Variants in EFCC1 observed in about 807,000 individuals in gnomAD.
The protein encoded by EFCC1 is EF-hand and coiled-coil domain-containing protein 1.
EFCC1 carries 50 observed loss-of-function variants against 52.1 expected under a neutral mutation model. The observed-to-expected ratio is 0.96, with a 90% confidence interval of 0.76 to 1.21. The LOEUF (loss-of-function observed/expected upper bound fraction) is 1.21, where lower values mean the gene tolerates loss of function less well. Ranked by LOEUF, EFCC1 falls within the 50% of genes most tolerant of loss-of-function variation. The pLI is 0.00. For missense variants in EFCC1, 837 were observed against 867.3 expected (o/e 0.97, Z 0.44); for synonymous variants, 399 against 396.5 (o/e 1.01, Z -0.08).
intron 2 of EFCC1, among the ~76,000 whole-genome samples, chr3:129,011,960 G>A (rs1274380660): frequency 1.3e-5 from 2 of 152,224 alleles, no homozygotes; most frequent in Non-Finnish European, 2.9e-5. Context: ...TAAATCAGGG[G>A]CACAGCCAGG....
At position 129,034,316 on chromosome 3, in the gene EFCC1, C is replaced by CAGCA. The variant is rs762622256; in HGVS notation, c.1439_1440insAGCA (p.Ser481AlafsTer3). ...GGCTGCGGTGGGAGGACCCTGGGGA[C>CAGCA]CTCTGAGGAGGAGGTCAGCAGAGCC... On this transcript the variant is annotated frameshift_variant, in exon 5 of 8. Transcript: ENST00000683648. LOFTEE classifies it high-confidence loss of function. 3 of 1,613,840 alleles carry CAGCA rather than the reference C, an allele frequency of 1.9e-6. No homozygotes were observed. Among genetic ancestry groups the CAGCA allele is most frequent in the Non-Finnish European group, 2.5e-6 (3 of 1,179,942 alleles).
Position 129,011,550 on chromosome 3 carries a change from C to CAAAAA in EFCC1, c.980+7485_980+7489dup, listed in dbSNP as rs1201411639. On this transcript the variant is annotated intron_variant, in intron 2 of 7. Transcript: ENST00000683648. ...TGGGTGACAGAGCAAGACTCCGTCT[C>CAAAAA]AAAAAAAAAAAAAAAAGAATGAAGC... is the stretch of plus-strand genomic sequence containing the variant. Among the ~76,000 whole-genome samples, 432 of 93,510 alleles carry CAAAAA rather than the reference C, an allele frequency of 4.6e-3. 3 individuals carry two copies. Among genetic ancestry groups the CAAAAA allele is most frequent in the African/African-American group, 0.016 (413 of 26,600 alleles). The allele number at this position is 93,510 out of a possible 152,430, so 61.3% of individuals were successfully genotyped here. A position where few individuals can be genotyped will look rare whatever the true frequency, so the allele number is the denominator to read the frequency against.
At chr3:129,021,000 G>A (rs1335155143) in intron 2 of EFCC1, among the ~76,000 whole-genome samples, 1 of 152,204 alleles carries the variant, frequency 6.6e-6, no homozygotes, top group Non-Finnish European at 1.5e-5. Context: ...CTGGAACAGG[G>A]CATCTCCTTG....
rs151272803 is a variant in EFCC1 at position 129,026,509 on chromosome 3, C to G, written c.981-4194C>G. 8.8e-3 allele frequency among the ~76,000 whole-genome samples: 1,347 copies of G among 152,330 alleles called. 21 individuals carry two copies. The highest frequency in any genetic ancestry group is 0.03 in the African/African-American group (1,235 of 41,546). On this transcript the variant is annotated intron_variant, in intron 2 of 7. Transcript: ENST00000683648. ...AAGCTCACTGCCTTCCACAGCACATCCATCATTCTTCATCAGCAGTTCCTG... is the reference window on the plus strand; with the variant it reads ...AAGCTCACTGCCTTCCACAGCACATGCATCATTCTTCATCAGCAGTTCCTG...
Position 129,001,950 on chromosome 3 carries a change from G to T in EFCC1, c.322G>T (p.Val108Leu), listed in dbSNP as rs1364998270. Residue 108 changes from valine (V) to leucine (L), a missense_variant, in exon 1 of 8, where the codon GTG (valine) becomes TTG (leucine). Transcript: ENST00000683648. ...QAAGDGNSRD[V>L]TPGDAAAELA... ...AGCAGGTGACGGGAACTCCAGAGAT[G>T]TGACCCCCGGGGATGCGGCCGCTGA... 1.3e-6 allele frequency: 2 copies of T among 1,543,756 alleles called. No individual in the cohort carries two copies. Among genetic ancestry groups the T allele is most frequent in the African/African-American group, 2.8e-5 (2 of 72,172 alleles).
In EFCC1 at chr3:129,038,829, A is replaced by C. The variant is rs1946388279; in HGVS notation, c.1594-2A>C. 1.9e-6 allele frequency: 3 copies of C among 1,613,774 alleles called. No individual in the cohort carries two copies. The highest frequency in any genetic ancestry group is 2.5e-6 in the Non-Finnish European group (3 of 1,179,990). On this transcript the variant is annotated splice_acceptor_variant, in intron 6 of 7. Transcript: ENST00000683648. LOFTEE classifies it high-confidence loss of function. ...CCAGCCTTGTTTCCATTTCTTTTTAAGAACATATCGAAAAGAGCCCTGGGG... is the reference window on the plus strand; with the variant it reads ...CCAGCCTTGTTTCCATTTCTTTTTACGAACATATCGAAAAGAGCCCTGGGG...
At position 129,020,785 on chromosome 3, in the gene EFCC1, G is replaced by T. The variant is rs148484743; in HGVS notation, c.981-9918G>T. On this transcript the variant is annotated intron_variant, in intron 2 of 7. Transcript: ENST00000683648. ...AGGCTCTGTGAGCCCAGAGGCTCCA[G>T]GGGAGGGAGCCAGGAAGGTTACAGG... Among the ~76,000 whole-genome samples the T allele has an allele frequency of 6.6e-5, 10 of 152,322 alleles. No individual in the cohort carries two copies. In the East Asian group the frequency reaches 1.5e-3, roughly 24 times the overall value.
chr3:129,026,898 G>A (rs777377965), intron 2 of EFCC1, among the ~76,000 whole-genome samples: 6 of 152,192 alleles, frequency 3.9e-5, no homozygotes, highest in Non-Finnish European at 8.8e-5. Flanking sequence ...CCTGAATGCA[G>A]GATTTTATGA....
intron 2 of EFCC1, among the ~76,000 whole-genome samples, chr3:129,006,587 A>T (rs1169193172): frequency 1.3e-5 from 2 of 152,208 alleles, no homozygotes; most frequent in East Asian, 3.8e-4. Context: ...AAGTGCTGGG[A>T]TTACAGGTGT....
At chr3:129,029,526 CCAGGAGTTTGAGAA>C (rs748566459) in intron 2 of EFCC1, among the ~76,000 whole-genome samples, 144 of 152,104 alleles carry the variant, frequency 9.5e-4, no homozygotes, top group Admixed American at 1.9e-3. Flanking sequence ...TCTCTTAAGA[CCAGGAGTTTGAGAA>C]CAGCCTGGGC....
At chr3:129,004,373 C>G (rs1944969825) in intron 2 of EFCC1, among the ~76,000 whole-genome samples, 1 of 127,464 alleles carries the variant, frequency 7.8e-6, no homozygotes, top group African/African-American at 2.8e-5. Flanking sequence ...CACTCACCCC[C>G]CCCACCCACC....
At chr3:129,012,305 A>G (rs1945363738) in intron 2 of EFCC1, among the ~76,000 whole-genome samples, 1 of 152,204 alleles carries the variant, frequency 6.6e-6, no homozygotes. Context: ...CTGGCACATA[A>G]TAAGCCCTCC....
intron 4 of EFCC1, among the ~76,000 whole-genome samples, chr3:129,033,253 C>A (rs549798460): frequency 6.6e-6 from 1 of 152,280 alleles, no homozygotes; most frequent in South Asian, 2.1e-4. Flanking sequence ...CACCAGTGTT[C>A]CTCTCAGACC....
chr3:129,033,898 AC>A (rs1213372332), intron 4 of EFCC1, among the ~76,000 whole-genome samples: 1 of 152,230 alleles, frequency 6.6e-6, no homozygotes, highest in Non-Finnish European at 1.5e-5. Context: ...TGTTGGCGGG[AC>A]CGCCAGGAGG....
chr3:129,026,351 T>C (rs766882402), intron 2 of EFCC1, among the ~76,000 whole-genome samples: 5 of 151,932 alleles, frequency 3.3e-5, no homozygotes, highest in Admixed American at 6.5e-5. Context: ...CCTTAAATGA[T>C]TTAGGGAATA....
intron 2 of EFCC1, among the ~76,000 whole-genome samples, chr3:129,027,153 C>T (rs1207104553): frequency 6.6e-6 from 1 of 152,226 alleles, no homozygotes; most frequent in African/African-American, 2.4e-5. Flanking sequence ...CCTGCAGACG[C>T]CTGCAGACGC....
chr3:129,033,056 T>C, intron 4 of EFCC1, 90 bp downstream of exon 4: 3 of 1,421,008 alleles, frequency 2.1e-6, no homozygotes, highest in Non-Finnish European at 2.8e-6. Context: ...CTGGTTAGCC[T>C]GGCTCAGCCA....
At chr3:129,013,759 C>T (rs1344691394) in intron 2 of EFCC1, among the ~76,000 whole-genome samples, 1 of 152,222 alleles carries the variant, frequency 6.6e-6, no homozygotes, top group East Asian at 1.9e-4. Flanking sequence ...ACATTCCCGC[C>T]ATTGGCCCTG....
At chr3:129,030,988 G>A in intron 3 of EFCC1, 128 bp downstream of exon 3, 4 of 1,274,646 alleles carry the variant, frequency 3.1e-6, no homozygotes, top group South Asian at 1.8e-5. Flanking sequence ...ACTCCCACCA[G>A]GTGCTCAGGC....
Sources: gnomAD v4.1 joint callset for allele counts (sites outside exome capture counted in the v4.1 genomes callset) on GRCh38, gnomAD v4.1.1 for gene constraint, MANE v1.5 for transcripts, NCBI Gene and HGNC (gene_info 2026-07-23, HGNC 2026-07-21) for gene names.